Variants in PDLIM5 observed in about 807,000 individuals in gnomAD.
PDLIM5 encodes PDZ and LIM domain 5, also known as PDZ and LIM domain protein 5.
Under a neutral mutation model 64.2 loss-of-function variants are expected in PDLIM5, and 34 were observed. The ratio of observed to expected loss-of-function variants is 0.53; its 90% CI spans 0.40 to 0.71. The LOEUF is 0.71. Among genes scored for constraint, PDLIM5 ranks in the 30% least tolerant of loss-of-function variants. PDLIM5 has a pLI of 0.00. For synonymous variants in PDLIM5, 253 were observed against 269.1 expected, an observed-to-expected ratio of 0.94 and a Z score of 0.59; for missense variants, 683 against 733.6, an observed-to-expected ratio of 0.93 and a Z score of 0.80.
chr4:94,562,732 G>T (rs1362158143), intron 3 of PDLIM5, among the ~76,000 whole-genome samples: 1 of 152,164 alleles, frequency 6.6e-6, no homozygotes, highest in African/African-American at 2.4e-5. Context: ...TAGATTCAAA[G>T]AGTGGTGGAG....
intron 3 of PDLIM5, among the ~76,000 whole-genome samples, chr4:94,559,489 C>G (rs187668827): frequency 6.6e-6 from 1 of 152,304 alleles, no homozygotes; most frequent in Admixed American, 6.5e-5. Context: ...CATTGGAACA[C>G]TAAAGCATCA....
chr4:94,548,877 G>T (rs1014820134), intron 3 of PDLIM5, among the ~76,000 whole-genome samples: 1 of 151,680 alleles, frequency 6.6e-6, no homozygotes, highest in Non-Finnish European at 1.5e-5. Context: ...TTCCTTATAT[G>T]TATAAATAAA....
At chr4:94,584,719 C>T (rs913084207) in intron 5 of PDLIM5, 1 of 413,432 alleles carries the variant, frequency 2.4e-6, no homozygotes, top group Non-Finnish European at 4.3e-6. Flanking sequence ...ATACTTGGTT[C>T]CTGGGCCTAG....
intron 3 of PDLIM5, among the ~76,000 whole-genome samples, chr4:94,533,560 A>G (rs939112223): frequency 8.5e-5 from 13 of 152,248 alleles, no homozygotes; most frequent in Non-Finnish European, 1.6e-4. Flanking sequence ...AACTTGATCC[A>G]AATCCTGGTT....
intron 2 of PDLIM5, among the ~76,000 whole-genome samples, chr4:94,491,805 AG>A (rs1726899103): frequency 6.6e-6 from 1 of 152,110 alleles, no homozygotes. Context: ...ATACTTATGG[AG>A]TACAATGTGA....
intron 9 of PDLIM5, 81 bp downstream of exon 9, chr4:94,640,531 G>C: frequency 1.2e-6 from 1 of 816,402 alleles, no homozygotes; most frequent in Non-Finnish European, 1.9e-6. Flanking sequence ...TTGGAAGTAT[G>C]TGTAATGTAA....
At chr4:94,519,083 G>A (rs866170709) in intron 2 of PDLIM5, among the ~76,000 whole-genome samples, 10 of 152,208 alleles carry the variant, frequency 6.6e-5, no homozygotes, top group Non-Finnish European at 1.2e-4. Flanking sequence ...AAGCAGGGAA[G>A]GAGGATGCAG....
At position 94,582,797 on chromosome 4, in the gene PDLIM5, A is replaced by C. The variant is rs116234493; in HGVS notation, c.711-2768A>C. ...TAACTTTCCTTCTTGCTTTCAATTTAATACTACCAGCAAATTTTGTTAGGA... is the reference window on the plus strand; with the variant it reads ...TAACTTTCCTTCTTGCTTTCAATTTCATACTACCAGCAAATTTTGTTAGGA... On this transcript the variant is annotated intron_variant, in intron 5 of 12. Transcript: ENST00000317968. The C allele has an allele frequency of 1.1e-3, 1,068 of 996,302 alleles. 4 individuals carry two copies. The African/African-American group carries it at 0.015, about 14-fold the overall frequency. 61.7% of individuals were successfully genotyped at this position (996,302 alleles called of 1,614,324 possible). A position where few individuals can be genotyped will look rare whatever the true frequency, so the allele number is the denominator to read the frequency against.
At chr4:94,544,295 C>A (rs1732114205) in intron 3 of PDLIM5, among the ~76,000 whole-genome samples, 1 of 152,100 alleles carries the variant, frequency 6.6e-6, no homozygotes, top group Non-Finnish European at 1.5e-5. Context: ...GACCCTTTTC[C>A]CAAATAGGTT....
intron 5 of PDLIM5, among the ~76,000 whole-genome samples, chr4:94,578,458 G>A: frequency 6.6e-6 from 1 of 152,160 alleles, no homozygotes; most frequent in East Asian, 1.9e-4. Context: ...CAAACTGGGT[G>A]TATTTAAAAA....
chr4:94,468,866 T>C (rs1393852861), intron 2 of PDLIM5, among the ~76,000 whole-genome samples: 1 of 152,222 alleles, frequency 6.6e-6, no homozygotes, highest in East Asian at 1.9e-4. Context: ...TTTATTGATC[T>C]CTTACCATGT....
In PDLIM5 at chr4:94,663,980, GT is replaced by G. The variant is rs760781677; in HGVS notation, c.1705del (p.Cys569ValfsTer26). 1 of 1,596,376 alleles carries G rather than the reference GT, an allele frequency of 6.3e-7. No homozygotes were observed. Among genetic ancestry groups the G allele is most frequent in the South Asian group, 1.1e-5 (1 of 89,984 alleles). Reference protein sequence around the residue: ...WHDTCFVCSVCCESLEGQTFF... With the variant: ...WHDTCFVCSVXCESLEGQTFF... ...CTTAAATGCTGCTTCTTTTTCAGGT[GT>G]GTTGTGAAAGTTTGGAAGGTCAGAC... On this transcript the variant is annotated frameshift_variant, in exon 13 of 13. Transcript: ENST00000317968. LOFTEE classifies it high-confidence loss of function.
chr4:94,608,299 A>C, intron 7 of PDLIM5: 1 of 502,504 alleles, frequency 2.0e-6, no homozygotes, highest in Non-Finnish European at 3.3e-6. Flanking sequence ...TAACCTATAG[A>C]CAAGAAAGCT....
At position 94,575,464 on chromosome 4, in the gene PDLIM5, C is replaced by A. The variant is rs1011071366; in HGVS notation, c.292-152C>A. The A allele has an allele frequency of 1.7e-4, 100 of 585,972 alleles. No homozygotes were observed. In the Middle Eastern group the frequency reaches 2.0e-3, roughly 12 times the overall value. 36.3% of individuals were successfully genotyped at this position (585,972 alleles called of 1,614,324 possible). On this transcript the variant is annotated intron_variant, in intron 4 of 12. Transcript: ENST00000317968. ...AGTTAGCATGCACGTTATGCTTTAT[C>A]AGCCCATTGTTTTTATCTGGAAACA... is the stretch of plus-strand genomic sequence containing the variant.
Position 94,662,651 on chromosome 4 carries a change from A to C in PDLIM5, c.1701+114A>C, listed in dbSNP as rs148515172. On this transcript the variant is annotated intron_variant, in intron 12 of 12. Coordinates refer to ENST00000317968, the MANE Select transcript of PDLIM5 (RefSeq NM_006457.5). ...TTCAGTCCTTCAAACCTAAGGAAAA[A>C]TTATTTTTAATTTTTTGTAAATTTC... is the stretch of plus-strand genomic sequence containing the variant. 94 of 474,908 alleles carry C rather than the reference A, an allele frequency of 2.0e-4. No homozygotes were observed. In the East Asian group the frequency reaches 2.8e-3, roughly 14 times the overall value. 29.4% of individuals were successfully genotyped at this position (474,908 alleles called of 1,614,324 possible).
At chr4:94,586,983 C>G (rs750579810) in intron 7 of PDLIM5, 7 of 1,009,534 alleles carry the variant, frequency 6.9e-6, no homozygotes, top group Non-Finnish European at 9.3e-6. Context: ...TTTTGTATTT[C>G]CACAGGGAAA....
At chr4:94,563,127 A>C (rs543325610) in intron 3 of PDLIM5, among the ~76,000 whole-genome samples, 4 of 152,288 alleles carry the variant, frequency 2.6e-5, no homozygotes, top group African/African-American at 9.6e-5. Context: ...AAATAATATA[A>C]GAAGTTGTAA....
intron 2 of PDLIM5, among the ~76,000 whole-genome samples, chr4:94,483,161 A>G (rs1251262426): frequency 6.6e-6 from 1 of 152,158 alleles, no homozygotes; most frequent in African/African-American, 2.4e-5. Context: ...GATGTGTTTA[A>G]AAATGGCTTG....
intron 2 of PDLIM5, among the ~76,000 whole-genome samples, chr4:94,481,156 T>G (rs1338671113): frequency 6.6e-6 from 1 of 152,198 alleles, no homozygotes; most frequent in Non-Finnish European, 1.5e-5. Flanking sequence ...GTCATTTCCA[T>G]TGAAATATTT....
Sources: gnomAD v4.1 joint callset for allele counts (sites outside exome capture counted in the v4.1 genomes callset) on GRCh38, gnomAD v4.1.1 for gene constraint, MANE v1.5 for transcripts, NCBI Gene and HGNC (gene_info 2026-07-23, HGNC 2026-07-21) for gene names.